Variants in ACOXL observed in about 807,000 individuals in gnomAD.
The protein encoded by ACOXL is acyl-coenzyme A oxidase-like protein.
In ACOXL, 70 loss-of-function variants were observed where a neutral mutation model predicts 71.9. The ratio of observed to expected loss-of-function variants is 0.97; its 90% CI spans 0.80 to 1.19. The LOEUF (loss-of-function observed/expected upper bound fraction) is 1.19. ACOXL is among the 50% of genes most tolerant of loss of function. The pLI, the probability that ACOXL is intolerant of heterozygous loss-of-function variation, is 0.00. For synonymous variants in ACOXL, 253 were observed against 281.6 expected (o/e 0.90, Z 1.02); for missense variants, 703 against 736.3 (o/e 0.95, Z 0.52).
At chr2:110,877,787 G>A (rs572938070) in intron 10 of ACOXL, among the ~76,000 whole-genome samples, 2 of 152,374 alleles carry the variant, frequency 1.3e-5, no homozygotes, top group South Asian at 2.1e-4. Flanking sequence ...GAGAGGAAGG[G>A]AGGGAAGCAG....
At chr2:110,835,549 C>T (rs1199666457) in intron 9 of ACOXL, among the ~76,000 whole-genome samples, 3 of 152,200 alleles carry the variant, frequency 2.0e-5, no homozygotes, top group African/African-American at 7.2e-5. Flanking sequence ...CTCCCGTGAG[C>T]ACCAGGAGGC....
intron 1 of ACOXL, among the ~76,000 whole-genome samples, chr2:110,762,091 TC>T (rs1177861441): frequency 6.6e-6 from 1 of 152,186 alleles, no homozygotes; most frequent in Non-Finnish European, 1.5e-5. Flanking sequence ...AATTATAATA[TC>T]TTTTGCTATC....
At chr2:110,881,756 G>C (rs977686267) in intron 10 of ACOXL, among the ~76,000 whole-genome samples, 2 of 152,058 alleles carry the variant, frequency 1.3e-5, no homozygotes, top group Non-Finnish European at 2.9e-5. Context: ...CAGTCTGATT[G>C]ATTCTTCTTT....
intron 9 of ACOXL, among the ~76,000 whole-genome samples, chr2:110,821,998 T>C (rs1207099463): frequency 3.3e-5 from 5 of 152,000 alleles, no homozygotes; most frequent in African/African-American, 1.2e-4. Context: ...TATGTGCATG[T>C]ATACATGCGG....
At chr2:110,767,953 C>CAA (rs978505012) in intron 1 of ACOXL, among the ~76,000 whole-genome samples, 3 of 150,802 alleles carry the variant, frequency 2.0e-5, no homozygotes, top group African/African-American at 4.9e-5. Context: ...CACACACACA[C>CAA]ACACACACAC....
intron 8 of ACOXL, among the ~76,000 whole-genome samples, chr2:110,803,712 CTA>C (rs1004793823): frequency 5.9e-5 from 9 of 152,142 alleles, no homozygotes; most frequent in Admixed American, 5.2e-4. Context: ...TCAAAGAACA[CTA>C]TGAATAAAGT....
chr2:110,893,380 A>G (rs1233603759), intron 10 of ACOXL, among the ~76,000 whole-genome samples: 1 of 151,860 alleles, frequency 6.6e-6, no homozygotes, highest in Non-Finnish European at 1.5e-5. Context: ...ATTAATAATC[A>G]AAAAAAGGCA....
chr2:110,821,702 A>G (rs374787986), intron 9 of ACOXL, among the ~76,000 whole-genome samples: 2 of 152,326 alleles, frequency 1.3e-5, no homozygotes, highest in East Asian at 1.9e-4. Context: ...CACCTCCTCA[A>G]GGGTGGAGTA....
chr2:111,051,453 G>A (rs4465771), intron 16 of ACOXL, among the ~76,000 whole-genome samples: 134,927 of 152,250 alleles, frequency 0.89, 60,039 homozygotes, highest in African/African-American at 0.97. Context: ...GGCAAAAAAC[G>A]TAGATCTGGG....
At chr2:110,851,882 T>C (rs1692643278) in intron 10 of ACOXL, among the ~76,000 whole-genome samples, 1 of 152,228 alleles carries the variant, frequency 6.6e-6, no homozygotes, top group Non-Finnish European at 1.5e-5. Flanking sequence ...AGGCGCTCCA[T>C]GTTCTGTCCT....
intron 10 of ACOXL, among the ~76,000 whole-genome samples, chr2:110,858,521 G>A (rs1414555633): frequency 3.3e-5 from 5 of 152,228 alleles, no homozygotes; most frequent in Non-Finnish European, 7.3e-5. Context: ...ACCTGCAGGT[G>A]TGTGAGCCTG....
chr2:110,915,327 A>G (rs1463147788), intron 11 of ACOXL, among the ~76,000 whole-genome samples: 1 of 104,794 alleles, frequency 9.5e-6, no homozygotes, highest in Non-Finnish European at 2.0e-5. Context: ...ATTTTTTGTT[A>G]TATGCATTTT....
rs1158232922 is a variant in ACOXL at position 110,839,973 on chromosome 2, TTTG to T, written c.754-1383_754-1381del. On this transcript the variant is annotated intron_variant, in intron 9 of 17. Transcript: ENST00000439055. ...AAATGATATTCAGATGATGCTTAGG[TTTG>T]TTGTTGTTGTTGTTTGTTGTTGTTG... Among the ~76,000 whole-genome samples, 23 of 151,988 alleles carry T rather than the reference TTTG, an allele frequency of 1.5e-4. No homozygotes were observed. In the Middle Eastern group the frequency reaches 0.01, roughly 67 times the overall value.
At chr2:111,039,840 G>T (rs1289232106) in intron 15 of ACOXL, among the ~76,000 whole-genome samples, 3 of 152,188 alleles carry the variant, frequency 2.0e-5, no homozygotes, top group African/African-American at 7.2e-5. Flanking sequence ...CTGTGAGCTA[G>T]AAGATTAAAG....
rs747926584 is a variant in ACOXL at position 111,092,868 on chromosome 2, T to C, written c.1444T>C (p.Cys482Arg). Residue 482 changes from cysteine to arginine, a missense_variant, in exon 17 of 18, where the codon TGT becomes CGT. Cys to Arg is a radical substitution (Grantham distance 180). Coordinates refer to ENST00000439055, the MANE Select transcript of ACOXL (RefSeq NM_001142807.4). Reference sequence around the variant, plus strand: ...TTTGTTTTCCCCCACCCCTTAGTTTTGTCTGTTGTATGGAACCAAGCTGGT... The same window carrying C: ...TTTGTTTTCCCCCACCCCTTAGTTTCGTCTGTTGTATGGAACCAAGCTGGT... The part of the protein sequence containing the change: ...QEDQTLLMKF[C>R]LLYGTKLVFQ... 1 of 1,613,478 alleles carries C rather than the reference T, an allele frequency of 6.2e-7. No homozygotes were observed. Among genetic ancestry groups the C allele is most frequent in the South Asian group, 1.1e-5 (1 of 91,024 alleles).
At chr2:110,991,408 C>T (rs913926124) in intron 13 of ACOXL, among the ~76,000 whole-genome samples, 2 of 151,978 alleles carry the variant, frequency 1.3e-5, no homozygotes, top group African/African-American at 4.8e-5. Context: ...TTTTCTATTT[C>T]ATTGATTTAT....
intron 14 of ACOXL, among the ~76,000 whole-genome samples, chr2:111,000,905 G>A (rs146005655): frequency 2.6e-5 from 4 of 152,242 alleles, no homozygotes; most frequent in African/African-American, 9.6e-5. Context: ...ATGTCCTTTT[G>A]GAAGACACAG....
chr2:110,988,715 A>G (rs1331187491), intron 13 of ACOXL, among the ~76,000 whole-genome samples: 1 of 152,194 alleles, frequency 6.6e-6, no homozygotes, highest in Non-Finnish European at 1.5e-5. Flanking sequence ...TTGTCAATAC[A>G]ATATAAGAAA....
intron 9 of ACOXL, among the ~76,000 whole-genome samples, chr2:110,841,096 A>C (rs573096608): frequency 4.6e-4 from 70 of 152,210 alleles, no homozygotes; most frequent in Non-Finnish European, 9.0e-4. Context: ...AAAGACCCCT[A>C]TTTTGGAAGC....
Sources: gnomAD v4.1 joint callset for allele counts (sites outside exome capture counted in the v4.1 genomes callset) on GRCh38, gnomAD v4.1.1 for gene constraint, MANE v1.5 for transcripts, NCBI Gene and HGNC (gene_info 2026-07-23, HGNC 2026-07-21) for gene names.